The following MAP2 variants were observed in gnomAD, a reference collection of about 807,000 sequenced individuals.
MAP2 encodes the protein microtubule-associated protein 2.
A neutral mutation model predicts 137.6 loss-of-function variants in MAP2; 14 were observed. The observed-to-expected ratio is 0.10, with a 90% CI of 0.07 to 0.16. MAP2 has a LOEUF of 0.16. MAP2 is among the 10% of genes least tolerant of loss of function. The pLI is 1.00. For missense variants in MAP2, 2,088 were observed against 2,191.5 expected (o/e 0.95, Z 0.94); for synonymous variants, 786 against 782.3 (o/e 1.00, Z -0.08).
intron 3 of MAP2, among the ~76,000 whole-genome samples, chr2:209,617,877 A>G (rs2090012699): frequency 6.6e-6 from 1 of 152,166 alleles, no homozygotes; most frequent in Admixed American, 6.6e-5. Flanking sequence ...GTGTACGTAT[A>G]TGGTTTAACA....
chr2:209,500,721 A>G (rs1378708979), intron 1 of MAP2, among the ~76,000 whole-genome samples: 3 of 152,044 alleles, frequency 2.0e-5, no homozygotes, highest in Non-Finnish European at 4.4e-5. Context: ...AAATGATACT[A>G]AAAAACATAA....
intron 3 of MAP2, among the ~76,000 whole-genome samples, chr2:209,587,048 T>G (rs1380972642): frequency 6.6e-6 from 1 of 152,210 alleles, no homozygotes; most frequent in African/African-American, 2.4e-5. Flanking sequence ...TTCTCAATGC[T>G]TATTATGCCA....
At chr2:209,721,256 G>A (rs564958737) in intron 13 of MAP2, among the ~76,000 whole-genome samples, 9 of 152,174 alleles carry the variant, frequency 5.9e-5, no homozygotes, top group Non-Finnish European at 1.2e-4. Context: ...ACCATTAAGC[G>A]CGATGGAAAA....
chr2:209,511,614 C>A (rs1264258569), intron 2 of MAP2, among the ~76,000 whole-genome samples: 1 of 152,090 alleles, frequency 6.6e-6, no homozygotes, highest in East Asian at 1.9e-4. Context: ...CTCTGTCACC[C>A]AGGCTGGAGT....
At chr2:209,615,642 A>G (rs1270805842) in intron 3 of MAP2, among the ~76,000 whole-genome samples, 1 of 152,174 alleles carries the variant, frequency 6.6e-6, no homozygotes, top group Non-Finnish European at 1.5e-5. Flanking sequence ...TGAGAGTGGC[A>G]GGAGGCAGCC....
intron 7 of MAP2, among the ~76,000 whole-genome samples, chr2:209,687,438 C>T (rs3768815): frequency 0.23 from 34,349 of 151,774 alleles, 6,331 homozygotes; most frequent in African/African-American, 0.51. Context: ...GAGGAATGTA[C>T]AGATGATTTT....
intron 2 of MAP2, among the ~76,000 whole-genome samples, chr2:209,534,627 T>G (rs2065676040): frequency 6.6e-6 from 1 of 152,230 alleles, no homozygotes; most frequent in African/African-American, 2.4e-5. Flanking sequence ...TATTCCAAGC[T>G]CTTGAGTCTG....
At chr2:209,692,337 CAA>C (rs11449791) in intron 7 of MAP2, among the ~76,000 whole-genome samples, 4 of 133,744 alleles carry the variant, frequency 3.0e-5, no homozygotes, top group African/African-American at 5.9e-5. Context: ...TAGGAGAGAC[CAA>C]AAAAAAAAAA....
chr2:209,676,809 T>C (rs1311527724), intron 5 of MAP2, among the ~76,000 whole-genome samples: 1 of 141,034 alleles, frequency 7.1e-6, no homozygotes, highest in Non-Finnish European at 1.5e-5. Context: ...ACCTCTTTAT[T>C]ACACTCAATT....
At chr2:209,581,384 T>C (rs1023068111) in intron 3 of MAP2, among the ~76,000 whole-genome samples, 2 of 152,154 alleles carry the variant, frequency 1.3e-5, no homozygotes, top group Admixed American at 6.5e-5. Flanking sequence ...AGAAAGGAAA[T>C]TGCATTATTT....
At chr2:209,645,673 A>G (rs2094374886) in intron 4 of MAP2, among the ~76,000 whole-genome samples, 2 of 152,210 alleles carry the variant, frequency 1.3e-5, no homozygotes, top group Non-Finnish European at 2.9e-5. Context: ...ACTATGCTCA[A>G]ACTAAAATGT....
chr2:209,548,106 T>C (rs1275665778), intron 2 of MAP2, among the ~76,000 whole-genome samples: 3 of 152,210 alleles, frequency 2.0e-5, no homozygotes, highest in African/African-American at 7.2e-5. Flanking sequence ...ATTGCTTCAG[T>C]TCATCTAGGC....
At chr2:209,467,309 G>C (rs2149668503) in intron 1 of MAP2, among the ~76,000 whole-genome samples, 1 of 152,208 alleles carries the variant, frequency 6.6e-6, no homozygotes, top group East Asian at 1.9e-4. Context: ...TATACCGCCA[G>C]AAGATGCTTT....
chr2:209,470,323 T>C (rs1374966217), intron 1 of MAP2, among the ~76,000 whole-genome samples: 2 of 152,236 alleles, frequency 1.3e-5, no homozygotes, highest in East Asian at 3.9e-4. Flanking sequence ...AGGGATCTTG[T>C]ATATTTATCT....
intron 5 of MAP2, among the ~76,000 whole-genome samples, chr2:209,666,740 AT>A (rs1395379381): frequency 1.3e-5 from 2 of 151,896 alleles, no homozygotes; most frequent in Admixed American, 6.6e-5. Flanking sequence ...TTTGAATTTA[AT>A]TTTTTTATGT....
At chr2:209,485,081 C>T (rs760931590) in intron 1 of MAP2, among the ~76,000 whole-genome samples, 1 of 152,160 alleles carries the variant, frequency 6.6e-6, no homozygotes, top group African/African-American at 2.4e-5. Flanking sequence ...ACTGCTGGAG[C>T]GTGTCTATAG....
In MAP2 at chr2:209,487,059, T is replaced by G. The variant is rs144660942; in HGVS notation, c.-221-20533T>G. On this transcript the variant is annotated intron_variant, in intron 1 of 15. Transcript: ENST00000682079. ...TTTTATGTAACATGAAATGCAATGATAATATTAAAATGTATGAAAATATAC... is the reference window on the plus strand; with the variant it reads ...TTTTATGTAACATGAAATGCAATGAGAATATTAAAATGTATGAAAATATAC... 3.3e-3 allele frequency among the ~76,000 whole-genome samples: 508 copies of G among 152,362 alleles called. 2 individuals are homozygous for G. Among genetic ancestry groups the G allele is most frequent in the South Asian group, 0.016 (79 of 4,830 alleles).
At chr2:209,593,558 G>A (rs2079885794) in intron 3 of MAP2, among the ~76,000 whole-genome samples, 1 of 120,224 alleles carries the variant, frequency 8.3e-6, no homozygotes, top group Non-Finnish European at 1.6e-5. Context: ...TGAGGCAGTA[G>A]GATCATTTGA....
At chr2:209,589,267 A>AGACATTGT (rs1330967086) in intron 3 of MAP2, among the ~76,000 whole-genome samples, 1 of 152,200 alleles carries the variant, frequency 6.6e-6, no homozygotes, top group African/African-American at 2.4e-5. Flanking sequence ...TGGGAAAGGC[A>AGACATTGT]GACATTGTTA....
Sources: allele counts gnomAD v4.1 joint callset (sites outside exome capture counted in the v4.1 genomes callset), GRCh38; gene constraint gnomAD v4.1.1; transcripts MANE v1.5; gene names NCBI Gene and HGNC (gene_info 2026-07-23, HGNC 2026-07-21).